Variants in FARS2 observed in about 807,000 individuals in gnomAD.
FARS2 encodes the protein phenylalanyl-tRNA synthetase 2, mitochondrial.
FARS2 carries 40 observed loss-of-function variants against 46.4 expected under a neutral mutation model. The ratio of observed to expected loss-of-function variants is 0.86; its 90% CI spans 0.67 to 1.12. FARS2 has a LOEUF of 1.12. Among genes scored for constraint, FARS2 ranks in the 50% most tolerant of loss-of-function variants. The probability of loss-of-function intolerance (pLI) is 0.00; values close to 1 mark genes in which losing one functional copy is unlikely to be tolerated. For missense variants in FARS2, 513 were observed against 567.9 expected (o/e 0.90, Z 0.98); for synonymous variants, 234 against 214.9 (o/e 1.09, Z -0.78).
intron 1 of FARS2, among the ~76,000 whole-genome samples, chr6:5,313,261 C>T (rs1200418898): frequency 6.6e-6 from 1 of 152,214 alleles, no homozygotes; most frequent in African/African-American, 2.4e-5. Flanking sequence ...CTATGCAGAT[C>T]TCAGGTTGTC....
intron 6 of FARS2, among the ~76,000 whole-genome samples, chr6:5,749,121 G>T (rs993797363): frequency 6.6e-6 from 1 of 152,208 alleles, no homozygotes; most frequent in Non-Finnish European, 1.5e-5. Context: ...GCTGAGCCAC[G>T]GGCCCAGTCC....
At chr6:5,459,776 C>G (rs892109088) in intron 4 of FARS2, among the ~76,000 whole-genome samples, 1 of 152,178 alleles carries the variant, frequency 6.6e-6, no homozygotes, top group African/African-American at 2.4e-5. Context: ...TTTCCCTTTT[C>G]CCCACCTCCC....
chr6:5,724,601 G>A (rs568571955), intron 6 of FARS2, among the ~76,000 whole-genome samples: 2 of 152,308 alleles, frequency 1.3e-5, no homozygotes, highest in East Asian at 3.9e-4. Context: ...AGCGCATCCT[G>A]CAGCCTGAGC....
At chr6:5,254,189 C>G in the FARS2 span, among the ~76,000 whole-genome samples, 1 of 152,186 alleles carries the variant, frequency 6.6e-6, no homozygotes, top group Non-Finnish European at 1.5e-5. Context: ...CCATAATGAC[C>G]CTTGACTGCA....
chr6:5,675,282 C>T (rs924883616), intron 6 of FARS2, among the ~76,000 whole-genome samples: 3 of 151,790 alleles, frequency 2.0e-5, no homozygotes, highest in African/African-American at 7.3e-5. Context: ...GCTGTCAGTC[C>T]ATACAGGGAC....
chr6:5,287,198 A>T (rs1322312141), intron 1 of FARS2, among the ~76,000 whole-genome samples: 1 of 152,220 alleles, frequency 6.6e-6, no homozygotes, highest in African/African-American at 2.4e-5. Flanking sequence ...TTGATTTTGC[A>T]TGTTGAGCCC....
intron 1 of FARS2, among the ~76,000 whole-genome samples, chr6:5,356,161 C>T (rs576448415): frequency 2.0e-5 from 3 of 152,200 alleles, no homozygotes; most frequent in South Asian, 2.1e-4. Flanking sequence ...TTAAAAATGA[C>T]GAGACGGCTA....
At chr6:5,466,873 A>G (rs1002305017) in intron 4 of FARS2, 10 of 985,286 alleles carry the variant, frequency 1.0e-5, no homozygotes, top group Non-Finnish European at 1.2e-5. Context: ...TGGCTCTTCT[A>G]TGGATTCCTT....
At chr6:5,767,903 C>T (rs1762834614) in intron 6 of FARS2, among the ~76,000 whole-genome samples, 1 of 152,212 alleles carries the variant, frequency 6.6e-6, no homozygotes, top group African/African-American at 2.4e-5. Flanking sequence ...AATCCAGACA[C>T]TTGGAGTTGG....
chr6:5,304,606 C>T (rs1263446502), intron 1 of FARS2, among the ~76,000 whole-genome samples: 1 of 152,126 alleles, frequency 6.6e-6, no homozygotes, highest in African/African-American at 2.4e-5. Flanking sequence ...AGGGATGCAG[C>T]CTCTCACAGT....
At chr6:5,733,459 T>C (rs1312699410) in intron 6 of FARS2, among the ~76,000 whole-genome samples, 1 of 152,188 alleles carries the variant, frequency 6.6e-6, no homozygotes. Context: ...GAATTTTTGC[T>C]CTAAAAAGAT....
chr6:5,353,188 A>T (rs797137), intron 1 of FARS2, among the ~76,000 whole-genome samples: 26,428 of 152,050 alleles, frequency 0.17, 3,813 homozygotes, highest in African/African-American at 0.4. Flanking sequence ...ATTTCGTTTA[A>T]CATAATGTGC....
intron 4 of FARS2, among the ~76,000 whole-genome samples, chr6:5,488,490 A>G (rs965860539): frequency 2.0e-5 from 3 of 152,348 alleles, no homozygotes; most frequent in South Asian, 4.1e-4. Context: ...ATATTTGGCC[A>G]TATATGAAGT....
intron 4 of FARS2, among the ~76,000 whole-genome samples, chr6:5,504,635 C>T (rs779725520): frequency 5.3e-5 from 8 of 151,968 alleles, no homozygotes; most frequent in Non-Finnish European, 1.0e-4. Context: ...ACACCAAGCT[C>T]GTATCAAACA....
chr6:5,554,029 A>T (rs1360786393), intron 5 of FARS2, among the ~76,000 whole-genome samples: 2 of 152,160 alleles, frequency 1.3e-5, no homozygotes, highest in Non-Finnish European at 2.9e-5. Context: ...CTGTAATTTG[A>T]TACCTTTGGC....
chr6:5,713,945 T>G (rs1263259895), intron 6 of FARS2, among the ~76,000 whole-genome samples: 1 of 152,198 alleles, frequency 6.6e-6, no homozygotes, highest in Non-Finnish European at 1.5e-5. Flanking sequence ...GATTGCCTTG[T>G]GCAGTTGATA....
At chr6:5,455,872 AT>A (rs1288634386) in intron 4 of FARS2, among the ~76,000 whole-genome samples, 2 of 152,182 alleles carry the variant, frequency 1.3e-5, no homozygotes, top group Non-Finnish European at 2.9e-5. Flanking sequence ...ATTTAAGATT[AT>A]TTATTATCTC....
chr6:5,744,001 A>G (rs767990790), intron 6 of FARS2, among the ~76,000 whole-genome samples: 1 of 152,214 alleles, frequency 6.6e-6, no homozygotes, highest in African/African-American at 2.4e-5. Context: ...CATTAACCCC[A>G]GCTTTCTCAC....
At chr6:5,654,845 C>T (rs568138123) in intron 6 of FARS2, among the ~76,000 whole-genome samples, 36 of 152,284 alleles carry the variant, frequency 2.4e-4, no homozygotes, top group Non-Finnish European at 4.7e-4. Flanking sequence ...CCTCTTCCTC[C>T]TCCTCCTCCT....
Sources: gnomAD v4.1 joint callset for allele counts (sites outside exome capture counted in the v4.1 genomes callset) on GRCh38, gnomAD v4.1.1 for gene constraint, MANE v1.5 for transcripts, NCBI Gene and HGNC (gene_info 2026-07-23, HGNC 2026-07-21) for gene names.